COBL: variants seen among roughly 807,000 people sequenced by gnomAD.
COBL encodes cordon-bleu WH2 repeat protein.
In COBL, 51 loss-of-function variants were observed where a neutral mutation model predicts 98.8. The observed-to-expected ratio is 0.52, with a 90% CI of 0.41 to 0.65. COBL has a LOEUF of 0.65. COBL is among the 30% of genes least tolerant of loss of function. The pLI, the probability that COBL is intolerant of heterozygous loss-of-function variation, is 0.00. For synonymous variants in COBL, 634 were observed against 651.7 expected (o/e 0.97, Z 0.41); for missense variants, 1,617 against 1,617.5 (o/e 1.00, Z 0.01).
intron 5 of COBL, among the ~76,000 whole-genome samples, chr7:51,166,306 T>C (rs551207083): frequency 6.6e-6 from 1 of 152,108 alleles, no homozygotes. Context: ...CAAAGGATCA[T>C]TGGTGGCTAC....
intron 5 of COBL, among the ~76,000 whole-genome samples, chr7:51,180,107 A>G (rs563882315): frequency 1.3e-4 from 20 of 152,362 alleles, no homozygotes; most frequent in East Asian, 1.9e-4. Flanking sequence ...ACTTACTTGC[A>G]TAAGTTCAAC....
At chr7:51,041,128 CA>C (rs1279062176) in intron 8 of COBL, among the ~76,000 whole-genome samples, 1 of 152,200 alleles carries the variant, frequency 6.6e-6, no homozygotes, top group Non-Finnish European at 1.5e-5. Context: ...CCAACCTCAG[CA>C]AAATGCATCT....
intron 7 of COBL, among the ~76,000 whole-genome samples, chr7:51,079,549 A>G (rs1793421263): frequency 6.6e-6 from 1 of 152,256 alleles, no homozygotes; most frequent in South Asian, 2.1e-4. Flanking sequence ...GAGGAGGCAC[A>G]TAACAGGTGT....
At position 51,028,807 on chromosome 7, in the gene COBL, G is replaced by A. The variant is rs758212324; in HGVS notation, c.2289C>T (p.Pro763=). Residue 763 remains proline (P), a synonymous_variant, in exon 10 of 13, where the codon CCC becomes CCT. Coordinates refer to ENST00000265136, the MANE Select transcript of COBL (RefSeq NM_015198.5). ...TCCAGAACTCTCTGACTTTCCCAATGGGCTGAGATTCTGCTTCAGGCACAG... is the reference window on the plus strand; with the variant it reads ...TCCAGAACTCTCTGACTTTCCCAATAGGCTGAGATTCTGCTTCAGGCACAG... ...SSSVPEAESQ[P]IGKVREFWRC... is the part of the protein sequence containing the mutation. 1 of 1,614,192 alleles carries A rather than the reference G, an allele frequency of 6.2e-7. No homozygotes were observed.
chr7:51,255,198 G>A (rs1281298376), intron 1 of COBL, among the ~76,000 whole-genome samples: 1 of 152,166 alleles, frequency 6.6e-6, no homozygotes, highest in Non-Finnish European at 1.5e-5. Flanking sequence ...GCAATTAAGA[G>A]AAGAATAATC....
Position 51,193,595 on chromosome 7 carries a change from A to G in COBL, c.246-6T>C. 1 of 1,613,400 alleles carries G rather than the reference A, an allele frequency of 6.2e-7. No homozygotes were observed. Among genetic ancestry groups the G allele is most frequent in the Non-Finnish European group, 8.5e-7 (1 of 1,179,434 alleles). On this transcript the variant is annotated splice_polypyrimidine_tract_variant and splice_region_variant and intron_variant, in intron 2 of 12. Transcript: ENST00000265136. ...GTAGGTCCATCATCGCATGGCTGAA[A>G]AAAGGAAAACAAATCATGATTATTA...
At chr7:51,024,412 G>C (rs1787292277) in intron 12 of COBL, among the ~76,000 whole-genome samples, 2 of 152,324 alleles carry the variant, frequency 1.3e-5, no homozygotes, top group South Asian at 4.1e-4. Context: ...GGAATGGGCA[G>C]GGACGGAGGG....
intron 4 of COBL, 65 bp downstream of exon 4, chr7:51,190,785 G>T: frequency 7.6e-7 from 1 of 1,317,942 alleles, no homozygotes; most frequent in Non-Finnish European, 1.1e-6. Flanking sequence ...AGCCAACAGG[G>T]GACATGTACA....
chr7:51,029,433 C>T lies in COBL; in HGVS notation c.1663G>A (p.Gly555Arg). ...TTGTTGTTTCTATTGGAAAACAACCCCGAATCCACAGGATCATCTGAAACT... is the reference window on the plus strand; with the variant it reads ...TTGTTGTTTCTATTGGAAAACAACCTCGAATCCACAGGATCATCTGAAACT... ...GEVSDDPVDSGLFSNRNNNAG... is the reference protein window; with the variant it reads ...GEVSDDPVDSRLFSNRNNNAG... The change falls in exon 10 of 13, where the codon GGG (glycine) becomes AGG (arginine). Residue 555 changes from glycine (G) to arginine (R), a missense_variant. Transcript: ENST00000265136. 4 of 1,614,094 alleles carry T rather than the reference C, an allele frequency of 2.5e-6. No individual in the cohort carries two copies. The highest frequency in any genetic ancestry group is 3.4e-6 in the Non-Finnish European group (4 of 1,180,022).
chr7:51,106,257 TG>T (rs1796260780), intron 6 of COBL, among the ~76,000 whole-genome samples: 1 of 150,830 alleles, frequency 6.6e-6, no homozygotes, highest in Admixed American at 6.6e-5. Flanking sequence ...ATATGAAACC[TG>T]GGGATTCTGA....
At chr7:51,268,671 C>A (rs1175068993) in intron 1 of COBL, among the ~76,000 whole-genome samples, 1 of 152,060 alleles carries the variant, frequency 6.6e-6, no homozygotes, top group Non-Finnish European at 1.5e-5. Context: ...GTGGCTCATG[C>A]CCATAACCCC....
intron 6 of COBL, among the ~76,000 whole-genome samples, chr7:51,112,019 T>C (rs1796872478): frequency 6.6e-6 from 1 of 152,224 alleles, no homozygotes; most frequent in Non-Finnish European, 1.5e-5. Context: ...TCCAGTTCAC[T>C]TGCATGGCAC....
At chr7:51,180,074 G>C (rs769353119) in intron 5 of COBL, among the ~76,000 whole-genome samples, 2 of 152,126 alleles carry the variant, frequency 1.3e-5, no homozygotes, top group Admixed American at 6.6e-5. Flanking sequence ...GAAACTATTT[G>C]TATTTTCATT....
At chr7:51,289,646 T>TGCTAAC (rs758275568) in intron 1 of COBL, among the ~76,000 whole-genome samples, 8 of 152,224 alleles carry the variant, frequency 5.3e-5, no homozygotes, top group Non-Finnish European at 1.2e-4. Flanking sequence ...ACAGTAGCTG[T>TGCTAAC]GCTAACAATG....
intron 7 of COBL, among the ~76,000 whole-genome samples, chr7:51,059,179 T>C (rs1263756726): frequency 6.6e-6 from 1 of 152,248 alleles, no homozygotes; most frequent in Non-Finnish European, 1.5e-5. Context: ...CTTTTATTAA[T>C]CTTTCTTAAA....
intron 1 of COBL, among the ~76,000 whole-genome samples, chr7:51,251,648 T>C (rs934955582): frequency 2.0e-5 from 3 of 152,208 alleles, no homozygotes; most frequent in African/African-American, 7.2e-5. Flanking sequence ...TTGCCTGGCA[T>C]GGACATCAAT....
At chr7:51,092,342 T>TA (rs1345410887) in intron 6 of COBL, among the ~76,000 whole-genome samples, 1 of 152,238 alleles carries the variant, frequency 6.6e-6, no homozygotes, top group Admixed American at 6.5e-5. Context: ...ACTCATTCAA[T>TA]AAATCAATGC....
chr7:51,139,541 C>T (rs1799542166), intron 5 of COBL, among the ~76,000 whole-genome samples: 1 of 152,168 alleles, frequency 6.6e-6, no homozygotes, highest in South Asian at 2.1e-4. Flanking sequence ...TCCCACCTCC[C>T]ACAATGCTCC....
intron 1 of COBL, among the ~76,000 whole-genome samples, chr7:51,300,132 T>C (rs1224695889): frequency 1.4e-5 from 2 of 139,348 alleles, no homozygotes; most frequent in East Asian, 2.1e-4. Flanking sequence ...AAACTGAGGT[T>C]TGCTTTTCTG....
Sources: gnomAD v4.1 joint callset for allele counts (sites outside exome capture counted in the v4.1 genomes callset) on GRCh38, gnomAD v4.1.1 for gene constraint, MANE v1.5 for transcripts, NCBI Gene and HGNC (gene_info 2026-07-23, HGNC 2026-07-21) for gene names.